SCHIP1: variants seen among roughly 807,000 people sequenced by gnomAD.
SCHIP1 encodes the protein schwannomin interacting protein 1, also known as schwannomin-interacting protein 1.
Under a neutral mutation model 29.7 loss-of-function variants are expected in SCHIP1, and 8 were observed. That is an observed-to-expected ratio of 0.27 (90% CI 0.16 to 0.49). The LOEUF is 0.49. SCHIP1 is among the 20% of genes least tolerant of loss of function. The pLI is 0.99. For synonymous variants in SCHIP1, 76 were observed against 94.9 expected, an observed-to-expected ratio of 0.80 and a Z score of 1.16; for missense variants, 193 against 294.6, an observed-to-expected ratio of 0.66 and a Z score of 2.52.
the SCHIP1 span, among the ~76,000 whole-genome samples, chr3:159,693,827 G>A: frequency 1.4e-4 from 21 of 152,244 alleles, no homozygotes; most frequent in African/African-American, 4.6e-4. Flanking sequence ...TTAAGATTTC[G>A]GTTAATAAGT....
chr3:159,468,563 T>C, the SCHIP1 span, among the ~76,000 whole-genome samples: 1 of 151,208 alleles, frequency 6.6e-6, no homozygotes, highest in Non-Finnish European at 1.5e-5. Context: ...TACATATGAG[T>C]GAACATTCAG....
At chr3:159,721,867 C>T in the SCHIP1 span, 1 of 407,388 alleles carries the variant, frequency 2.5e-6, no homozygotes, top group South Asian at 2.0e-5. Flanking sequence ...TTGGGGATGC[C>T]ACTCAGCATC....
At chr3:159,452,919 A>G in the SCHIP1 span, among the ~76,000 whole-genome samples, 1 of 152,246 alleles carries the variant, frequency 6.6e-6, no homozygotes, top group Non-Finnish European at 1.5e-5. Context: ...ATCAGATGGC[A>G]ATAAATTGCT....
At chr3:159,298,030 T>C in the SCHIP1 span, among the ~76,000 whole-genome samples, 1 of 152,216 alleles carries the variant, frequency 6.6e-6, no homozygotes, top group African/African-American at 2.4e-5. Context: ...AAGCAAGCTC[T>C]ATGAGGGTAG....
At chr3:159,573,057 C>G in the SCHIP1 span, among the ~76,000 whole-genome samples, 1 of 151,666 alleles carries the variant, frequency 6.6e-6, no homozygotes, top group African/African-American at 2.4e-5. Context: ...GGTCTTGACT[C>G]TTTATCCAAT....
the SCHIP1 span, among the ~76,000 whole-genome samples, chr3:159,713,228 GAAAGGAAGAAAGAA>G: frequency 5.8e-3 from 654 of 112,220 alleles, 2 homozygotes; most frequent in African/African-American, 0.022. Context: ...GAGAGAGAAA[GAAAGGAAGAAAGAA>G]AGAAAGAAAG....
chr3:159,685,292 C>A, the SCHIP1 span, among the ~76,000 whole-genome samples: 3 of 152,138 alleles, frequency 2.0e-5, no homozygotes, highest in African/African-American at 7.2e-5. Flanking sequence ...TAATTACATT[C>A]ATTACAGAAA....
chr3:159,342,599 A>T, the SCHIP1 span, among the ~76,000 whole-genome samples: 3 of 152,244 alleles, frequency 2.0e-5, no homozygotes, highest in Non-Finnish European at 4.4e-5. Flanking sequence ...TTTAAAGGTT[A>T]TAGAACCGCT....
At chr3:159,568,744 T>A in the SCHIP1 span, among the ~76,000 whole-genome samples, 36 of 152,252 alleles carry the variant, frequency 2.4e-4, no homozygotes, top group Non-Finnish European at 4.4e-4. Flanking sequence ...TCAAGGCTGT[T>A]AATTATGTTG....
chr3:159,711,781 T>G, the SCHIP1 span, among the ~76,000 whole-genome samples: 1 of 152,204 alleles, frequency 6.6e-6, no homozygotes, highest in Non-Finnish European at 1.5e-5. Context: ...ATTAGGTGCT[T>G]ACTATGTGTT....
chr3:159,826,799 A>C, the SCHIP1 span, among the ~76,000 whole-genome samples: 1 of 152,238 alleles, frequency 6.6e-6, no homozygotes, highest in Non-Finnish European at 1.5e-5. Context: ...TGTGGGCCCA[A>C]CTTATGTGTC....
the SCHIP1 span, among the ~76,000 whole-genome samples, chr3:159,656,069 G>C: frequency 4.6e-5 from 7 of 152,158 alleles, no homozygotes; most frequent in African/African-American, 1.7e-4. Flanking sequence ...TGGCTGTTCA[G>C]GGAAGAACAG....
At chr3:159,378,032 G>C in the SCHIP1 span, among the ~76,000 whole-genome samples, 1 of 152,194 alleles carries the variant, frequency 6.6e-6, no homozygotes, top group East Asian at 1.9e-4. Context: ...TATGAAGGCA[G>C]AATTGATGAC....
chr3:159,848,913 C>T (rs1309212624), intron 1 of SCHIP1, among the ~76,000 whole-genome samples: 1 of 152,120 alleles, frequency 6.6e-6, no homozygotes, highest in East Asian at 1.9e-4. Flanking sequence ...GGGCTATGAG[C>T]TTATCTACGT....
the SCHIP1 span, among the ~76,000 whole-genome samples, chr3:159,653,749 T>TAAAA: frequency 9.2e-6 from 1 of 108,864 alleles, no homozygotes; most frequent in Non-Finnish European, 2.2e-5. Flanking sequence ...GAACTTAAAG[T>TAAAA]AAAAAAAAAA....
chr3:159,894,854 C>T (rs905959693), intron 6 of SCHIP1: 2 of 152,060 alleles, frequency 1.3e-5, no homozygotes, highest in Non-Finnish European at 2.9e-5. Context: ...TAATGAAATT[C>T]ACTATTTTAT....
At chr3:159,821,718 T>C in the SCHIP1 span, among the ~76,000 whole-genome samples, 2 of 152,244 alleles carry the variant, frequency 1.3e-5, no homozygotes, top group South Asian at 2.1e-4. Context: ...CATTCATTTT[T>C]TTTCTTTCCT....
the SCHIP1 span, among the ~76,000 whole-genome samples, chr3:159,464,776 C>T: frequency 2.6e-5 from 4 of 152,250 alleles, no homozygotes; most frequent in African/African-American, 7.2e-5. Context: ...TATCCAAACT[C>T]ATCTGTTTGC....
At chr3:159,360,568 T>C in the SCHIP1 span, among the ~76,000 whole-genome samples, 1 of 152,204 alleles carries the variant, frequency 6.6e-6, no homozygotes, top group East Asian at 1.9e-4. Context: ...TTTCGAGCTA[T>C]GAAACCTTAC....
Sources: allele counts gnomAD v4.1 joint callset (sites outside exome capture counted in the v4.1 genomes callset), GRCh38; gene constraint gnomAD v4.1.1; transcripts MANE v1.5; gene names NCBI Gene and HGNC (gene_info 2026-07-23, HGNC 2026-07-21).